The following ADCY3 variants were observed in gnomAD, a reference collection of about 807,000 sequenced individuals.
The protein encoded by ADCY3 is adenylate cyclase 3.
In ADCY3, 70 loss-of-function variants were observed where a neutral mutation model predicts 119.4. That is an observed-to-expected ratio of 0.59 (90% confidence interval 0.48 to 0.72). The LOEUF is 0.72. ADCY3 is among the 30% of genes least tolerant of loss of function. The probability of loss-of-function intolerance (pLI) is 0.00; values close to 1 mark genes in which losing one functional copy is unlikely to be tolerated. For missense variants in ADCY3, 1,238 were observed against 1,541.6 expected (o/e 0.80, Z 3.30); for synonymous variants, 672 against 621.4 (o/e 1.08, Z -1.21).
chr2:24,819,978 T>C lies in ADCY3; in HGVS notation c.3389A>G (p.Asn1130Ser), dbSNP rs771252467. 10 of 1,613,626 alleles carry C rather than the reference T, an allele frequency of 6.2e-6. No individual in the cohort carries two copies. The Admixed American group carries it at 6.7e-5, about 11-fold the overall frequency. Residue 1130 changes from asparagine (N) to serine (S), a missense_variant, in exon 22 of 22, where the codon AAT becomes AGT. Transcript: ENST00000679454. The stretch of plus-strand genomic sequence containing the variant: ...GTGGGGCAGTGTGACAGAGGGGCCA[T>C]TGGGGAAGGTGGCTAGCTTATCCCG... The part of the protein sequence containing the change: ...KGRDKLATFP[N>S]GPSVTLPHQV...
At chr2:24,823,466 T>A in intron 17 of ADCY3, 111 bp from the exon 18 acceptor site, 1 of 1,121,126 alleles carries the variant, frequency 8.9e-7, no homozygotes, top group Middle Eastern at 3.0e-4. Flanking sequence ...CTTTTTGGAC[T>A]CACACATCAG....
rs1671172721 is a variant in ADCY3 at position 24,842,729 on chromosome 2, GC to G, written c.826-346del. 2 of 300,654 alleles carry G rather than the reference GC, an allele frequency of 6.7e-6. No homozygotes were observed. The highest frequency in any genetic ancestry group is 2.1e-5 in the African/African-American group (1 of 46,886). The allele number at this position is 300,654 out of a possible 1,614,324, so 18.6% of individuals were successfully genotyped here. ...TGCACCGTGAGCCCTCCCGGCAGGA[GC>G]CCTGCGGGGTCACCTCAGCCACCCG... On this transcript the variant is annotated intron_variant, in intron 3 of 21. Transcript: ENST00000679454. This position sits in a 1 kb window ranked among gnomAD's most constrained non-coding sequence, Gnocchi z 4.9.
In ADCY3 at chr2:24,898,606, C is replaced by A. The variant is rs142652746; in HGVS notation, c.675+19707G>T. ...AAATCAGCCTCTCAATGGAGCCCTG[C>A]AGCACTGGAAAGGAGCCCTCCCATT... On this transcript the variant is annotated intron_variant, in intron 2 of 21. Transcript: ENST00000679454. This position sits in a 1 kb window ranked among gnomAD's most constrained non-coding sequence, Gnocchi z 4.3. Among the ~76,000 whole-genome samples, 144 of 152,300 alleles carry A rather than the reference C, an allele frequency of 9.5e-4. No homozygotes were observed. The highest frequency in any genetic ancestry group is 3.4e-3 in the Middle Eastern group (1 of 294).
intron 2 of ADCY3, among the ~76,000 whole-genome samples, chr2:24,884,893 A>G (rs1305971778): frequency 1.3e-5 from 2 of 151,934 alleles, no homozygotes; most frequent in African/African-American, 4.8e-5. Flanking sequence ...AGCTCCACCC[A>G]CGGCGGTGCT....
At position 24,840,053 on chromosome 2, in the gene ADCY3, G is replaced by A. The variant is rs773202459; in HGVS notation, c.1197-22C>T. On this transcript the variant is annotated intron_variant, in intron 6 of 21. Transcript: ENST00000679454. ...ATACCTGCCAGGTACACACAGAAAGGAGGGTCAGGGTGTGGCCTTCACGAG... is the reference window on the plus strand; with the variant it reads ...ATACCTGCCAGGTACACACAGAAAGAAGGGTCAGGGTGTGGCCTTCACGAG... The A allele has an allele frequency of 6.9e-6, 11 of 1,594,928 alleles. No individual in the cohort carries two copies. The South Asian group carries it at 1.0e-4, about 14-fold the overall frequency.
chr2:24,897,469 G>A (rs1678415734), intron 2 of ADCY3, among the ~76,000 whole-genome samples: 1 of 152,186 alleles, frequency 6.6e-6, no homozygotes, highest in Non-Finnish European at 1.5e-5. Flanking sequence ...CCAAGGGCCT[G>A]TGTGTCCCTG....
intron 2 of ADCY3, among the ~76,000 whole-genome samples, chr2:24,875,448 G>A (rs575039915): frequency 6.6e-6 from 1 of 152,242 alleles, no homozygotes; most frequent in Non-Finnish European, 1.5e-5. Flanking sequence ...AATCCCACTG[G>A]GTGATGCTGC....
intron 2 of ADCY3, among the ~76,000 whole-genome samples, chr2:24,906,521 T>C (rs1679457602): frequency 6.6e-6 from 1 of 152,218 alleles, no homozygotes; most frequent in Admixed American, 6.5e-5. Context: ...AGGGTGAGGC[T>C]GTGTGCCACT....
At chr2:24,879,092 C>T (rs1476179887) in intron 2 of ADCY3, among the ~76,000 whole-genome samples, 9 of 152,128 alleles carry the variant, frequency 5.9e-5, no homozygotes, top group Non-Finnish European at 7.4e-5. Flanking sequence ...CACGGCTGCC[C>T]GCAGGCTGTG....
Position 24,841,632 on chromosome 2 carries a change from A to G in ADCY3, c.992T>C (p.Leu331Pro). ...LFADIVGFTQ[L>P]SSACSAQELV... ...CTCCTGGGCACTGCAGGCAGAAGAC[A>G]GCTGGGTAAAGCCCACGATGTCGGC... Residue 331 changes from leucine (L) to proline (P), a missense_variant, in exon 5 of 22, where the codon CTG becomes CCG. Physicochemically the swap from Leu to Pro is moderately conservative, Grantham distance 98 (BLOSUM62 -3). This residue lies in a region of ADCY3 where 283 missense variants were observed against 437.2 expected (regional missense o/e 0.65). Transcript: ENST00000679454. This position sits in a 1 kb window ranked among gnomAD's most constrained non-coding sequence, Gnocchi z 5.8. 3 of 1,613,732 alleles carry G rather than the reference A, an allele frequency of 1.9e-6. No homozygotes were observed. The highest frequency in any genetic ancestry group is 2.5e-6 in the Non-Finnish European group (3 of 1,179,998).
At position 24,905,225 on chromosome 2, in the gene ADCY3, C is replaced by A. The variant is rs184000066; in HGVS notation, c.675+13088G>T. Among the ~76,000 whole-genome samples the A allele has an allele frequency of 4.2e-4, 64 of 152,050 alleles. 2 individuals carry two copies. In the East Asian group the frequency reaches 0.012, roughly 29 times the overall value. On this transcript the variant is annotated intron_variant, in intron 2 of 21. Coordinates refer to ENST00000679454, the MANE Select transcript of ADCY3 (RefSeq NM_004036.5). The stretch of plus-strand genomic sequence containing the variant: ...CTCAGCTCACTACAAGCTCTGCCCC[C>A]TGGGTTCACACCATTCCCCTGCCTC...
chr2:24,851,537 G>A (rs1450074318), intron 3 of ADCY3, among the ~76,000 whole-genome samples: 1 of 152,176 alleles, frequency 6.6e-6, no homozygotes, highest in Non-Finnish European at 1.5e-5. Context: ...GGTAGACCCT[G>A]AACCCAGGGC....
Position 24,918,568 on chromosome 2 carries a change from G to A in ADCY3, c.420C>T (p.Pro140=). The change falls in exon 2 of 22, where the codon CCC becomes CCT. Residue 140 remains proline (P), a synonymous_variant. Coordinates refer to ENST00000679454, the MANE Select transcript of ADCY3 (RefSeq NM_004036.5). This position sits in a 1 kb window ranked among gnomAD's most constrained non-coding sequence, Gnocchi z 5.4. ...LPDRVTRRVL[P]YVLWLLITAQ... is the part of the protein sequence containing the mutation. ...CGGTTATGAGCAGCCACAGCACGTAGGGCAGCACTCTGCGGGTGACCCGGT... is the reference window on the plus strand; with the variant it reads ...CGGTTATGAGCAGCCACAGCACGTAAGGCAGCACTCTGCGGGTGACCCGGT... 6.2e-7 allele frequency: 1 copy of A among 1,614,150 alleles called. No individual in the cohort carries two copies. The highest frequency in any genetic ancestry group is 8.5e-7 in the Non-Finnish European group (1 of 1,180,032).
intron 2 of ADCY3, among the ~76,000 whole-genome samples, chr2:24,903,102 G>A (rs938452985): frequency 1.1e-4 from 16 of 149,604 alleles, no homozygotes; most frequent in Non-Finnish European, 2.4e-4. Context: ...AGCCAAGATC[G>A]CGCCACTGCA....
intron 11 of ADCY3, among the ~76,000 whole-genome samples, chr2:24,833,452 C>T (rs1409514994): frequency 6.6e-6 from 1 of 152,244 alleles, no homozygotes; most frequent in African/African-American, 2.4e-5. Flanking sequence ...GCCAGCAAGT[C>T]CTGCTCTGAC....
chr2:24,821,012 C>T (rs1667579983), intron 20 of ADCY3, 164 bp from the exon 21 acceptor site: 1 of 1,006,954 alleles, frequency 9.9e-7, no homozygotes, highest in Non-Finnish European at 1.4e-6. Context: ...ATCACATCTC[C>T]TGTTTATCCG....
intron 19 of ADCY3, 190 bp downstream of exon 19, chr2:24,822,321 C>G (rs1206478134): frequency 2.6e-6 from 2 of 762,462 alleles, no homozygotes; most frequent in Non-Finnish European, 4.1e-6. Flanking sequence ...GGTTGTGTGT[C>G]TGTTCTGTTT....
intron 3 of ADCY3, among the ~76,000 whole-genome samples, chr2:24,849,122 A>G (rs1671998495): frequency 1.3e-5 from 2 of 152,228 alleles, no homozygotes; most frequent in African/African-American, 2.4e-5. Flanking sequence ...GCCTACATGC[A>G]GTGGCTCCTG....
Position 24,838,650 on chromosome 2 carries a change from C to T in ADCY3, c.1356-28G>A, listed in dbSNP as rs201276094. 275 of 1,611,870 alleles carry T rather than the reference C, an allele frequency of 1.7e-4. No homozygotes were observed. The African/African-American group carries it at 3.1e-3, about 18-fold the overall frequency. On this transcript the variant is annotated intron_variant, in intron 7 of 21. Transcript: ENST00000679454. The stretch of plus-strand genomic sequence containing the variant: ...GGATTGCAGAGAGAGAGGCCCTGAG[C>T]GTCGGCCAGAGGTGGCCCTCACACC...
Sources: gnomAD v4.1 joint callset for allele counts (sites outside exome capture counted in the v4.1 genomes callset) on GRCh38, gnomAD v4.1.1 for gene constraint, gnomAD v4.1.1 regional missense constraint, Gnocchi (gnomAD v3.1) non-coding constraint, MANE v1.5 for transcripts, NCBI Gene and HGNC (gene_info 2026-07-23, HGNC 2026-07-21) for gene names.